Variants in TRAPPC3L observed in about 807,000 individuals in gnomAD.
TRAPPC3L encodes trafficking protein particle complex subunit 3L, also known as trafficking protein particle complex subunit 3-like protein.
A neutral mutation model predicts 23.7 loss-of-function variants in TRAPPC3L; 23 were observed. The ratio of observed to expected loss-of-function variants is 0.97; its 90% confidence interval spans 0.70 to 1.37. The LOEUF (loss-of-function observed/expected upper bound fraction) is 1.37. Ranked by LOEUF, TRAPPC3L falls within the 40% of genes most tolerant of loss-of-function variation. The pLI is 0.00. For missense variants in TRAPPC3L, 212 were observed against 216.8 expected (o/e 0.98, Z 0.14); for synonymous variants, 81 against 77.9 (o/e 1.04, Z -0.21).
intron 1 of TRAPPC3L, 61 bp from the exon 2 acceptor site, chr6:116,543,461 CTTTT>C: frequency 7.5e-7 from 1 of 1,328,618 alleles, no homozygotes; most frequent in East Asian, 2.5e-5. Context: ...TACTGTATTT[CTTTT>C]GTTTATAAAA....
chr6:116,519,334 TG>T (rs3215662), intron 3 of TRAPPC3L: 62,854 of 151,976 alleles, frequency 0.41, 14,601 homozygotes, highest in Middle Eastern at 0.6. Flanking sequence ...GCTTGACCTA[TG>T]GGGGGGCTCT....
chr6:116,531,725 G>T (rs1772737591), intron 3 of TRAPPC3L, among the ~76,000 whole-genome samples: 1 of 151,870 alleles, frequency 6.6e-6, no homozygotes, highest in Non-Finnish European at 1.5e-5. Flanking sequence ...GTAATGATTT[G>T]GTTACCTACT....
At chr6:116,519,594 G>A (rs1227904690) in intron 3 of TRAPPC3L, 4 of 152,182 alleles carry the variant, frequency 2.6e-5, no homozygotes, top group African/African-American at 9.7e-5. Flanking sequence ...ATATGGAAGG[G>A]TCCTTGGGCT....
intron 3 of TRAPPC3L, among the ~76,000 whole-genome samples, chr6:116,515,121 G>A (rs191167741): frequency 2.0e-5 from 3 of 152,032 alleles, no homozygotes; most frequent in African/African-American, 4.8e-5. Flanking sequence ...TGTATCGTCT[G>A]TCTCCCTTTT....
In TRAPPC3L at chr6:116,511,713, G is replaced by A. The variant is rs534136529; in HGVS notation, c.241-11047C>T. On this transcript the variant is annotated intron_variant, in intron 3 of 4. Transcript: ENST00000368602. ...ATCTCCAACATGGATGCTTTTCAGG[G>A]CATTTTAAAATTCTTCCTTAATCAG... 50 of 1,613,600 alleles carry A rather than the reference G, an allele frequency of 3.1e-5. No homozygotes were observed. The South Asian group carries it at 4.8e-4, about 16-fold the overall frequency.
chr6:116,514,232 A>C (rs956421341), intron 3 of TRAPPC3L, among the ~76,000 whole-genome samples: 1 of 152,146 alleles, frequency 6.6e-6, no homozygotes, highest in African/African-American at 2.4e-5. Flanking sequence ...CTGATGGAAT[A>C]GTTTATAATT....
At chr6:116,508,986 T>C (rs1772055984) in intron 3 of TRAPPC3L, among the ~76,000 whole-genome samples, 1 of 151,628 alleles carries the variant, frequency 6.6e-6, no homozygotes, top group African/African-American at 2.4e-5. Context: ...TTTAGTAAAG[T>C]CTTAGTTTAC....
rs535532375 is a variant in TRAPPC3L, at chr6:116,497,073, C to T, written c.427G>A (p.Val143Ile). Residue 143 changes from valine to isoleucine, a missense_variant and splice_region_variant, in exon 5 of 5, where the codon GTT (valine) becomes ATT (isoleucine). By Grantham distance (29) the Val-to-Ile change is conservative. Transcript: ENST00000368602. Reference sequence around the variant, plus strand: ...AATGTAACATCAGCCGCCAAATGAACCTAGGAAAGAAGAAAAAAACAGGCC... The same window carrying T: ...AATGTAACATCAGCCGCCAAATGAATCTAGGAAAGAAGAAAAAAACAGGCC... ...CGIIRGALEM[V>I]HLAADVTFLQ... The T allele has an allele frequency of 6.5e-7, 1 of 1,536,570 alleles. No homozygotes were observed. Among genetic ancestry groups the T allele is most frequent in the African/African-American group, 1.4e-5 (1 of 71,554 alleles).
At chr6:116,525,394 T>G (rs1772426404) in intron 3 of TRAPPC3L, among the ~76,000 whole-genome samples, 1 of 152,222 alleles carries the variant, frequency 6.6e-6, no homozygotes, top group Non-Finnish European at 1.5e-5. Context: ...GCTCCTACTG[T>G]ATCAATGAAG....
intron 3 of TRAPPC3L, among the ~76,000 whole-genome samples, chr6:116,504,497 A>G (rs1401582842): frequency 1.3e-5 from 2 of 152,236 alleles, no homozygotes; most frequent in Admixed American, 1.3e-4. Context: ...ATTCCAATCA[A>G]CAGAAAAAGA....
chr6:116,538,758 G>T (rs1417135925), intron 3 of TRAPPC3L, among the ~76,000 whole-genome samples: 1 of 150,466 alleles, frequency 6.6e-6, no homozygotes, highest in Non-Finnish European at 1.5e-5. Context: ...TTGAAACAGG[G>T]TCTTGCTCTG....
At chr6:116,532,505 C>T (rs772907569) in intron 3 of TRAPPC3L, among the ~76,000 whole-genome samples, 1 of 152,148 alleles carries the variant, frequency 6.6e-6, no homozygotes, top group Non-Finnish European at 1.5e-5. Context: ...ATAAATGATC[C>T]CTCCTTTGGA....
At chr6:116,525,300 G>A (rs760814620) in intron 3 of TRAPPC3L, among the ~76,000 whole-genome samples, 4 of 152,174 alleles carry the variant, frequency 2.6e-5, no homozygotes, top group Non-Finnish European at 5.9e-5. Flanking sequence ...CCTGGCCTCT[G>A]TCTGGGCCCC....
At chr6:116,516,133 T>A in intron 3 of TRAPPC3L, 1 of 1,130,452 alleles carries the variant, frequency 8.8e-7, no homozygotes, top group Non-Finnish European at 1.2e-6. Flanking sequence ...GAAACTGCTT[T>A]GAAGCTCTCA....
chr6:116,520,054 A>G (rs1293825079), intron 3 of TRAPPC3L: 1 of 152,212 alleles, frequency 6.6e-6, no homozygotes, highest in Admixed American at 6.5e-5. Context: ...ATATGTGTCC[A>G]AAGCAACTTT....
At chr6:116,524,025 G>A (rs1287490137) in intron 3 of TRAPPC3L, 1 of 152,276 alleles carries the variant, frequency 6.6e-6, no homozygotes, top group African/African-American at 2.4e-5. Context: ...AATATTAGAT[G>A]ATTTTTAGAG....
At chr6:116,516,186 C>T in intron 3 of TRAPPC3L, 1 of 604,550 alleles carries the variant, frequency 1.7e-6, no homozygotes, top group Non-Finnish European at 2.5e-6. Flanking sequence ...TGAGGGGTGA[C>T]AAAGGTGCTC....
chr6:116,503,100 C>T (rs1771945310), intron 3 of TRAPPC3L, among the ~76,000 whole-genome samples: 1 of 152,014 alleles, frequency 6.6e-6, no homozygotes, highest in South Asian at 2.1e-4. Context: ...AGAGTCAAGA[C>T]CCATCAGTGT....
At chr6:116,530,902 CATATATAT>C (rs10557481) in intron 3 of TRAPPC3L, among the ~76,000 whole-genome samples, 2,455 of 76,442 alleles carry the variant, frequency 0.032, 49 homozygotes, top group African/African-American at 0.058. Flanking sequence ...AAGTGAGACT[CATATATAT>C]ATATATATAT....
Sources: allele counts gnomAD v4.1 joint callset (sites outside exome capture counted in the v4.1 genomes callset), GRCh38; gene constraint gnomAD v4.1.1; transcripts MANE v1.5; gene names NCBI Gene and HGNC (gene_info 2026-07-23, HGNC 2026-07-21).